The following XK variants were observed in gnomAD, a reference collection of about 807,000 sequenced individuals.
The protein encoded by XK is X-linked Kx blood group antigen, Kell and VPS13A binding protein.
XK carries 2 observed loss-of-function variants against 14.0 expected under a neutral mutation model. The ratio of observed to expected loss-of-function variants is 0.14; its 90% confidence interval spans 0.06 to 0.45. The LOEUF (loss-of-function observed/expected upper bound fraction) is 0.45. Ranked by LOEUF, XK falls within the 20% of genes least tolerant of loss-of-function variation. The probability of loss-of-function intolerance (pLI) is 0.98; values close to 1 mark genes in which losing one functional copy is unlikely to be tolerated. For missense variants in XK, 235 were observed against 341.5 expected (o/e 0.69, Z 2.46); for synonymous variants, 149 against 147.5 (o/e 1.01, Z -0.08).
intron 2 of XK, among the ~76,000 whole-genome samples, chrX:37,708,507 A>C (rs1238433448): frequency 3.6e-5 from 4 of 112,298 alleles, no homozygotes; most frequent in Non-Finnish European, 7.5e-5. Flanking sequence ...GTAAGACAAC[A>C]AACATTTGTT....
At chrX:37,699,312 G>C (rs1035055842) in intron 2 of XK, among the ~76,000 whole-genome samples, 3 of 112,123 alleles carry the variant, frequency 2.7e-5, no homozygotes, top group Non-Finnish European at 5.6e-5. Context: ...ATTTGTCTTG[G>C]TAGTGACAGG....
At position 37,731,004 on chromosome X, in the gene XK, A is replaced by T; in HGVS notation, c.*2542A>T. On this transcript the variant is annotated 3_prime_UTR_variant, in exon 3 of 3. Transcript: ENST00000378616. ...CATGTATGTCCATTCACTTTCAGGA[A>T]GGGGTGTCAGTACTTTCTTTCTGTG... The T allele has an allele frequency of 9.0e-6, 1 of 111,713 alleles. No individual in the cohort carries two copies. 9.2% of individuals were successfully genotyped at this position (111,713 alleles called of 1,213,427 possible). A position where few individuals can be genotyped will look rare whatever the true frequency, so the allele number is the denominator to read the frequency against.
intron 2 of XK, among the ~76,000 whole-genome samples, chrX:37,726,166 G>T (rs140837203): frequency 2.1e-3 from 230 of 111,336 alleles, no homozygotes; most frequent in African/African-American, 7.1e-3. Context: ...GTAAAAAAAT[G>T]TACCACTCTG....
intron 2 of XK, among the ~76,000 whole-genome samples, chrX:37,698,900 T>G (rs1556443086): frequency 8.9e-6 from 1 of 112,186 alleles, no homozygotes; most frequent in Non-Finnish European, 1.9e-5. Context: ...AAAACTTAGA[T>G]TTAAACTGAA....
intron 2 of XK, among the ~76,000 whole-genome samples, chrX:37,707,115 T>A (rs1556445348): frequency 1.8e-5 from 2 of 112,925 alleles, no homozygotes; most frequent in East Asian, 2.8e-4. Context: ...ACCGCCATTG[T>A]CATCATGGCC....
In XK at chrX:37,728,235, T is replaced by G. The variant is rs145996031; in HGVS notation, c.1108T>G (p.Tyr370Asp). ...AGCCATTCTCTTCATGCTTGTATTC[T>G]ATCAGTTCTTCCACCCTTGCAAAAA... is the stretch of plus-strand genomic sequence containing the variant. ...CTAILFMLVF[Y>D]QFFHPCKKLF... Residue 370 changes from tyrosine (Y) to aspartate (D), a missense_variant, in exon 3 of 3, where the codon TAT becomes GAT. Physicochemically the swap from Tyr to Asp is radical, Grantham distance 160. Coordinates refer to ENST00000378616, the MANE Select transcript of XK (RefSeq NM_021083.4). 3,732 of 1,209,796 alleles carry G rather than the reference T, an allele frequency of 3.1e-3. 4 individuals are homozygous for G. Among genetic ancestry groups the G allele is most frequent in the Non-Finnish European group, 3.8e-3 (3,386 of 895,134 alleles).
At chrX:37,696,574 G>A (rs183097893) in intron 2 of XK, among the ~76,000 whole-genome samples, 2 of 112,735 alleles carry the variant, frequency 1.8e-5, no homozygotes, top group Non-Finnish European at 3.8e-5. Context: ...TATCTCACCC[G>A]GAAAGGGTAA....
rs1928095759 is a variant in XK at position 37,731,840 on chromosome X, A to G, written c.*3378A>G. The G allele has an allele frequency of 1.8e-5, 2 of 112,429 alleles. No homozygotes were observed. Among genetic ancestry groups the G allele is most frequent in the Admixed American group, 1.9e-4 (2 of 10,615 alleles). The allele number at this position is 112,429 out of a possible 1,213,427, so 9.3% of individuals were successfully genotyped here. A position where few individuals can be genotyped will look rare whatever the true frequency, so the allele number is the denominator to read the frequency against. ...AAGGATATAGCAACATCTTTTGATA[A>G]TTGTGCTTTACAACTTGAATGCTGA... On this transcript the variant is annotated 3_prime_UTR_variant, in exon 3 of 3. Transcript: ENST00000378616.
chrX:37,723,050 C>T (rs1164670131), intron 2 of XK, among the ~76,000 whole-genome samples: 2 of 111,270 alleles, frequency 1.8e-5, no homozygotes, highest in Admixed American at 1.9e-4. Context: ...ATTGCCAAAG[C>T]CTTCCTTTTA....
chrX:37,707,413 G>C (rs1429312349), intron 2 of XK, among the ~76,000 whole-genome samples: 1 of 109,263 alleles, frequency 9.2e-6, no homozygotes, highest in Non-Finnish European at 1.9e-5. Context: ...CTCAGACAGG[G>C]TGGCTGCCGG....
At position 37,729,053 on chromosome X, in the gene XK, A is replaced by G. The variant is rs1928035714; in HGVS notation, c.*591A>G. The stretch of plus-strand genomic sequence containing the variant: ...GTAGCCACCCTGGCATGCTGTCTCT[A>G]ATTGATTCAAGGGCCTAGATTTGGA... On this transcript the variant is annotated 3_prime_UTR_variant, in exon 3 of 3. Coordinates refer to ENST00000378616, the MANE Select transcript of XK (RefSeq NM_021083.4). The G allele has an allele frequency of 8.9e-6, 1 of 111,852 alleles. No homozygotes were observed. Among genetic ancestry groups the G allele is most frequent in the African/African-American group, 3.3e-5 (1 of 30,456 alleles). 9.2% of individuals were successfully genotyped at this position (111,852 alleles called of 1,213,427 possible). A position where few individuals can be genotyped will look rare whatever the true frequency, so the allele number is the denominator to read the frequency against.
In XK at chrX:37,728,521, C is replaced by G; in HGVS notation, c.*59C>G. The G allele has an allele frequency of 1.8e-6, 2 of 1,109,789 alleles. No individual in the cohort carries two copies. The highest frequency in any genetic ancestry group is 2.5e-6 in the Non-Finnish European group (2 of 813,089). 91.5% of individuals were successfully genotyped at this position (1,109,789 alleles called of 1,213,427 possible). ...TTTTCTGGGTTTGATACTCGTTATT[C>G]ATACAAATAATGAGCCCTACACAGG... On this transcript the variant is annotated 3_prime_UTR_variant, in exon 3 of 3. Coordinates refer to ENST00000378616, the MANE Select transcript of XK (RefSeq NM_021083.4).
At chrX:37,687,744 A>C (rs1345853392) in intron 1 of XK, among the ~76,000 whole-genome samples, 1 of 111,772 alleles carries the variant, frequency 8.9e-6, no homozygotes, top group East Asian at 2.8e-4. Context: ...CAGTCACAGC[A>C]AACTTGGTGA....
At chrX:37,692,788 T>A (rs1927226945) in intron 1 of XK, among the ~76,000 whole-genome samples, 1 of 112,650 alleles carries the variant, frequency 8.9e-6, no homozygotes, top group African/African-American at 3.2e-5. Context: ...GTCATTAATT[T>A]GAGTTTTCCT....
chrX:37,723,640 T>A (rs1556449414), intron 2 of XK, among the ~76,000 whole-genome samples: 2 of 111,021 alleles, frequency 1.8e-5, no homozygotes, highest in Non-Finnish European at 3.8e-5. Flanking sequence ...CTAGAAAAAA[T>A]TATGTGGGCC....
intron 2 of XK, among the ~76,000 whole-genome samples, chrX:37,722,421 A>C (rs1927894602): frequency 8.9e-6 from 1 of 111,755 alleles, no homozygotes; most frequent in Admixed American, 9.5e-5. Context: ...TTGAGGAGGC[A>C]AGTGATAGAG....
rs782264152 is a variant in XK at position 37,722,349 on chromosome X, C to G, written c.509-5287C>G. On this transcript the variant is annotated intron_variant, in intron 2 of 2. Coordinates refer to ENST00000378616, the MANE Select transcript of XK (RefSeq NM_021083.4). ...GATTCATACACTAGGGGAAAAGAGT[C>G]AGGATTAAGAGAGTAGTTGAAAATT... 9.0e-5 allele frequency among the ~76,000 whole-genome samples: 10 copies of G among 110,738 alleles called. No homozygotes were observed. In the South Asian group the frequency reaches 3.8e-3, roughly 42 times the overall value.
In XK at chrX:37,685,889, C is replaced by A. The variant is rs918108062; in HGVS notation, c.-73C>A. 17 of 1,123,052 alleles carry A rather than the reference C, an allele frequency of 1.5e-5. No individual in the cohort carries two copies. The highest frequency in any genetic ancestry group is 2.0e-5 in the Non-Finnish European group (17 of 842,584). The allele number at this position is 1,123,052 out of a possible 1,213,427, so 92.6% of individuals were successfully genotyped here. A position where few individuals can be genotyped will look rare whatever the true frequency, so the allele number is the denominator to read the frequency against. On this transcript the variant is annotated 5_prime_UTR_variant, in exon 1 of 3. Coordinates refer to ENST00000378616, the MANE Select transcript of XK (RefSeq NM_021083.4). ...GGCATGCTGGGAGCCCCTCGGGCAACGGCCGCCGCCGCCACAGCCACACAG... is the reference window on the plus strand; with the variant it reads ...GGCATGCTGGGAGCCCCTCGGGCAAAGGCCGCCGCCGCCACAGCCACACAG...
rs1359682077 is a variant in XK, at chrX:37,730,202, G to A, written c.*1740G>A. 1 of 111,609 alleles carries A rather than the reference G, an allele frequency of 9.0e-6. No homozygotes were observed. Among genetic ancestry groups the A allele is most frequent in the East Asian group, 2.8e-4 (1 of 3,556 alleles). 9.2% of individuals were successfully genotyped at this position (111,609 alleles called of 1,213,427 possible). A position where few individuals can be genotyped will look rare whatever the true frequency, so the allele number is the denominator to read the frequency against. ...AAATAAGAATAACACTCAAGACTAT[G>A]TTCTCCATCCCAACACATCACTTAC... On this transcript the variant is annotated 3_prime_UTR_variant, in exon 3 of 3. Transcript: ENST00000378616.
Sources: gnomAD v4.1 joint callset for allele counts (sites outside exome capture counted in the v4.1 genomes callset) on GRCh38, gnomAD v4.1.1 for gene constraint, MANE v1.5 for transcripts, NCBI Gene and HGNC (gene_info 2026-07-23, HGNC 2026-07-21) for gene names.